The following CEMIP variants were observed in gnomAD, a reference collection of about 807,000 sequenced individuals.
CEMIP encodes cell migration-inducing and hyaluronan-binding protein.
In CEMIP, 105 loss-of-function variants were observed where a neutral mutation model predicts 156.9. The ratio of observed to expected loss-of-function variants is 0.67; its 90% CI spans 0.57 to 0.79. The LOEUF (loss-of-function observed/expected upper bound fraction) is 0.79. CEMIP is among the 30% of genes least tolerant of loss of function. CEMIP has a pLI of 0.00. For missense variants in CEMIP, 1,457 were observed against 1,769.4 expected (o/e 0.82, Z 3.17); for synonymous variants, 676 against 668.4 (o/e 1.01, Z -0.17).
chr15:80,829,968 G>GTGTA (rs2141675223), intron 1 of CEMIP, among the ~76,000 whole-genome samples: 1 of 126,656 alleles, frequency 7.9e-6, no homozygotes, highest in East Asian at 2.8e-4. Context: ...GGTAGCGGGT[G>GTGTA]TGTGTGTGTG....
At chr15:80,856,973 A>C (rs1236336092) in intron 1 of CEMIP, among the ~76,000 whole-genome samples, 1 of 152,190 alleles carries the variant, frequency 6.6e-6, no homozygotes, top group African/African-American at 2.4e-5. Context: ...CCCACCTGCC[A>C]GTGGCTTCCT....
At chr15:80,831,214 C>A (rs1166833176) in intron 1 of CEMIP, among the ~76,000 whole-genome samples, 1 of 152,196 alleles carries the variant, frequency 6.6e-6, no homozygotes, top group South Asian at 2.1e-4. Flanking sequence ...GTAGAGAGCA[C>A]TTTCCGTGAA....
chr15:80,945,863 G>A (rs1330610085), intron 28 of CEMIP, among the ~76,000 whole-genome samples: 1 of 152,194 alleles, frequency 6.6e-6, no homozygotes, highest in Non-Finnish European at 1.5e-5. Context: ...TATTTTCCCA[G>A]CACTTTGGAC....
At chr15:80,798,472 T>C (rs898791730) in intron 1 of CEMIP, among the ~76,000 whole-genome samples, 1 of 152,160 alleles carries the variant, frequency 6.6e-6, no homozygotes, top group Non-Finnish European at 1.5e-5. Flanking sequence ...CCTCCAAAGA[T>C]TTATTCAAAT....
At chr15:80,881,544 A>T (rs1457126392) in intron 6 of CEMIP, among the ~76,000 whole-genome samples, 3 of 151,482 alleles carry the variant, frequency 2.0e-5, no homozygotes, top group Non-Finnish European at 1.5e-5. Flanking sequence ...CAAGTGCAGA[A>T]GGCCGGAGGT....
intron 1 of CEMIP, among the ~76,000 whole-genome samples, chr15:80,871,769 G>A (rs891126364): frequency 6.6e-6 from 1 of 152,168 alleles, no homozygotes; most frequent in Non-Finnish European, 1.5e-5. Context: ...TTTCCATGAG[G>A]ACCATAATAT....
chr15:80,947,691 C>G (rs1359531207), intron 29 of CEMIP: 1 of 153,974 alleles, frequency 6.5e-6, no homozygotes, highest in Non-Finnish European at 1.4e-5. Flanking sequence ...GTATGGGCGG[C>G]AGAGAAGCTC....
chr15:80,937,977 A>G lies in CEMIP; in HGVS notation c.3405A>G (p.Ser1135=). 1 of 1,613,266 alleles carries G rather than the reference A, an allele frequency of 6.2e-7. No homozygotes were observed. The highest frequency in any genetic ancestry group is 8.5e-7 in the Non-Finnish European group (1 of 1,179,606). The part of the protein sequence containing the change: ...GRSHYYWDED[S]GLLFLKLKAQ... ...GCCACTACTACTGGGACGAGGACTC[A>G]GGGTGAGCAGGCGCCCACTTGGCTG... The change falls in exon 25 of 30, where the codon TCA becomes TCG. Residue 1135 remains serine (S), a splice_region_variant and synonymous_variant. Transcript: ENST00000394685.
rs137894355 is a variant in CEMIP, at chr15:80,933,421, C to T, written c.2970C>T (p.Pro990=). The change falls in exon 23 of 30, where the codon CCC becomes CCT. Residue 990 remains proline, a synonymous_variant. Coordinates refer to ENST00000394685, the MANE Select transcript of CEMIP (RefSeq NM_001293298.2). The part of the protein sequence containing the change: ...LVRHPDCINV[P]DWRGAICSGC... ...GGCACCCAGACTGCATCAATGTTCC[C>T]GACTGGAGAGGGGCCATTTGCAGTG... 17 of 1,614,116 alleles carry T rather than the reference C, an allele frequency of 1.1e-5. No homozygotes were observed. The highest frequency in any genetic ancestry group is 3.3e-5 in the South Asian group (3 of 91,068).
At chr15:80,946,834 C>G (rs1901575802) in intron 28 of CEMIP, 131 bp from the exon 29 acceptor site, 1 of 713,718 alleles carries the variant, frequency 1.4e-6, no homozygotes. Flanking sequence ...GCTGCCCTTT[C>G]CCGAATCCCT....
intron 29 of CEMIP, 67 bp downstream of exon 29, chr15:80,947,132 G>T (rs191099093): frequency 4.1e-4 from 422 of 1,021,544 alleles, no homozygotes; most frequent in Middle Eastern, 1.0e-3. Flanking sequence ...GGCATGGAGG[G>T]TGCTGTCATC....
At chr15:80,796,511 T>C (rs1395395619) in intron 1 of CEMIP, among the ~76,000 whole-genome samples, 3 of 152,200 alleles carry the variant, frequency 2.0e-5, no homozygotes, top group Non-Finnish European at 4.4e-5. Flanking sequence ...CTGGATGAAA[T>C]GCTCTTATTA....
chr15:80,884,465 T>C, intron 7 of CEMIP, 111 bp downstream of exon 7: 1 of 1,121,198 alleles, frequency 8.9e-7, no homozygotes, highest in Non-Finnish European at 1.3e-6. Flanking sequence ...CCATCCTAAA[T>C]GACCTAGTGG....
intron 12 of CEMIP, among the ~76,000 whole-genome samples, chr15:80,903,815 C>A (rs1899674503): frequency 6.6e-6 from 1 of 152,204 alleles, no homozygotes; most frequent in Non-Finnish European, 1.5e-5. Context: ...ATTCTGCCCC[C>A]CACACCTGGG....
chr15:80,936,689 T>C lies in CEMIP; in HGVS notation c.3025T>C (p.Tyr1009His). The change falls in exon 24 of 30, where the codon TAC becomes CAC. Residue 1009 changes from tyrosine to histidine, a missense_variant. By Grantham distance (83) the Tyr-to-His change is moderately conservative. Transcript: ENST00000394685. ...GCYAQMYIQAYKTSNLRMKII... is the reference protein window; with the variant it reads ...GCYAQMYIQAHKTSNLRMKII... Reference sequence around the variant, plus strand: ...GTTTTAAAAGATGTACATTCAAGCCTACAAGACCAGTAACCTGCGAATGAA... The same window carrying C: ...GTTTTAAAAGATGTACATTCAAGCCCACAAGACCAGTAACCTGCGAATGAA... The C allele has an allele frequency of 3.7e-6, 6 of 1,613,990 alleles. No individual in the cohort carries two copies. The highest frequency in any genetic ancestry group is 1.3e-5 in the African/African-American group (1 of 75,060).
intron 25 of CEMIP, among the ~76,000 whole-genome samples, chr15:80,939,724 C>G (rs1056481416): frequency 2.0e-5 from 3 of 152,118 alleles, no homozygotes; most frequent in Non-Finnish European, 1.5e-5. Flanking sequence ...CCTTAGGGAC[C>G]AGGAGTTGGG....
At chr15:80,882,670 A>G (rs1424134106) in intron 6 of CEMIP, among the ~76,000 whole-genome samples, 1 of 152,210 alleles carries the variant, frequency 6.6e-6, no homozygotes, top group Non-Finnish European at 1.5e-5. Flanking sequence ...TGTTCCGAAT[A>G]TCTTTTGCTT....
At chr15:80,903,185 A>G (rs1596175941) in intron 12 of CEMIP, 1 of 152,240 alleles carries the variant, frequency 6.6e-6, no homozygotes, top group East Asian at 1.9e-4. Context: ...TCCTTCCTGG[A>G]CACCATATTT....
At chr15:80,884,452 G>A (rs539968294) in intron 7 of CEMIP, 98 bp downstream of exon 7, 100 of 1,262,832 alleles carry the variant, frequency 7.9e-5, no homozygotes, top group Middle Eastern at 5.1e-4. Context: ...CCCCACAGCC[G>A]TACCATCCTA....
Sources: gnomAD v4.1 joint callset for allele counts (sites outside exome capture counted in the v4.1 genomes callset) on GRCh38, gnomAD v4.1.1 for gene constraint, MANE v1.5 for transcripts, NCBI Gene and HGNC (gene_info 2026-07-23, HGNC 2026-07-21) for gene names.